The following GALNT11 variants were observed in gnomAD, a reference collection of about 807,000 sequenced individuals.
The protein encoded by GALNT11 is polypeptide N-acetylgalactosaminyltransferase 11, also known as UDP-GalNAc:polypeptide N-acetylgalactosaminyltransferase 11.
Under a neutral mutation model 72.7 loss-of-function variants are expected in GALNT11, and 47 were observed. That is an observed-to-expected ratio of 0.65 (90% confidence interval 0.51 to 0.82). The LOEUF (loss-of-function observed/expected upper bound fraction) is 0.82, where lower values mean the gene tolerates loss of function less well. GALNT11 is among the 40% of genes least tolerant of loss of function. GALNT11 has a pLI of 0.00. For missense variants in GALNT11, 677 were observed against 778.4 expected, an observed-to-expected ratio of 0.87 and a Z score of 1.55; for synonymous variants, 270 against 286.6, an observed-to-expected ratio of 0.94 and a Z score of 0.58.
intron 1 of GALNT11, among the ~76,000 whole-genome samples, chr7:152,042,862 T>G (rs2082931831): frequency 6.6e-6 from 1 of 152,202 alleles, no homozygotes; most frequent in African/African-American, 2.4e-5. Flanking sequence ...CTTTAGGGGC[T>G]TTACCACTCC....
At position 152,120,872 on chromosome 7, in the gene GALNT11, T is replaced by C. The variant is rs1478896342; in HGVS notation, c.1599T>C (p.Ser533=). 6.2e-7 allele frequency: 1 copy of C among 1,612,780 alleles called. No individual in the cohort carries two copies. The highest frequency in any genetic ancestry group is 8.5e-7 in the Non-Finnish European group (1 of 1,178,880). ...AAGAGCATGAATTGGTTTTAAATAG[T>C]CTCCTTTGTCTAGATATGTCAGAGA... is the stretch of plus-strand genomic sequence containing the variant. ...YNEEHELVLN[S]LLCLDMSETR... The change falls in exon 11 of 12, where the codon AGT becomes AGC. Residue 533 remains serine (S), a synonymous_variant. Coordinates refer to ENST00000430044, the MANE Select transcript of GALNT11 (RefSeq NM_022087.4).
intron 1 of GALNT11, among the ~76,000 whole-genome samples, chr7:152,058,436 C>T (rs538499293): frequency 2.6e-5 from 4 of 152,208 alleles, no homozygotes; most frequent in South Asian, 2.1e-4. Context: ...CCGGTTCAAG[C>T]GATACTCCTG....
intron 1 of GALNT11, among the ~76,000 whole-genome samples, chr7:152,093,395 A>G (rs2086169994): frequency 6.6e-6 from 1 of 151,544 alleles, no homozygotes; most frequent in African/African-American, 2.4e-5. Context: ...TTTGATTGGA[A>G]AGTAGAATTT....
intron 1 of GALNT11, among the ~76,000 whole-genome samples, chr7:152,061,109 A>G (rs895893295): frequency 5.3e-5 from 8 of 152,034 alleles, no homozygotes; most frequent in Admixed American, 3.3e-4. Flanking sequence ...AAGTGTTCCT[A>G]TTTCTCCACA....
At position 152,034,113 on chromosome 7, in the gene GALNT11, G is replaced by A. The variant is rs370893691; in HGVS notation, c.-39+8229G>A. ...ATTCCCTCTCCCTACAACTTGAAGG[G>A]GACATAACCGATAGCCCAGGGGTTT... is the stretch of plus-strand genomic sequence containing the variant. On this transcript the variant is annotated intron_variant, in intron 1 of 11. Transcript: ENST00000430044. Among the ~76,000 whole-genome samples the A allele has an allele frequency of 1.1e-4, 16 of 152,134 alleles. No homozygotes were observed. The East Asian group carries it at 1.3e-3, about 13-fold the overall frequency.
intron 1 of GALNT11, among the ~76,000 whole-genome samples, chr7:152,035,457 C>T (rs769120864): frequency 1.3e-5 from 2 of 152,184 alleles, no homozygotes; most frequent in African/African-American, 2.4e-5. Flanking sequence ...GGGCGAGTCT[C>T]GCTTGGGCAA....
At chr7:152,096,083 A>C (rs2086351647) in intron 2 of GALNT11, among the ~76,000 whole-genome samples, 3 of 152,246 alleles carry the variant, frequency 2.0e-5, no homozygotes, top group Admixed American at 2.0e-4. Context: ...CAAGATTTGT[A>C]TGCTGAAAAC....
chr7:152,087,414 G>T (rs897249760), intron 1 of GALNT11, among the ~76,000 whole-genome samples: 4 of 152,186 alleles, frequency 2.6e-5, no homozygotes, highest in African/African-American at 7.2e-5. Context: ...GAGTGTAATT[G>T]AAATGTTTGA....
At chr7:152,055,601 C>T (rs1563049759) in intron 1 of GALNT11, among the ~76,000 whole-genome samples, 1 of 143,882 alleles carries the variant, frequency 7.0e-6, no homozygotes, top group Non-Finnish European at 1.5e-5. Flanking sequence ...ACACAAAGTA[C>T]CAGGTATTTG....
chr7:152,107,932 G>T, intron 5 of GALNT11, 106 bp from the exon 6 acceptor site: 2 of 1,336,074 alleles, frequency 1.5e-6, no homozygotes, highest in Admixed American at 2.1e-5. Flanking sequence ...TGGGAGGGTG[G>T]CAGTCGTGTT....
chr7:152,075,567 C>CA (rs2084908417), intron 1 of GALNT11, among the ~76,000 whole-genome samples: 1 of 60 alleles, frequency 0.017, no homozygotes, highest in African/African-American at 0.083. Flanking sequence ...TTTGGGAGGC[C>CA]AAGGCAAGGC....
At chr7:152,111,551 C>G (rs935920213) in intron 7 of GALNT11, among the ~76,000 whole-genome samples, 6 of 152,096 alleles carry the variant, frequency 3.9e-5, no homozygotes, top group African/African-American at 1.4e-4. Flanking sequence ...TTGTACCCAA[C>G]AGGTAGTACT....
At chr7:152,101,651 G>C (rs577985982) in intron 3 of GALNT11, among the ~76,000 whole-genome samples, 1 of 144,034 alleles carries the variant, frequency 6.9e-6, no homozygotes, top group African/African-American at 2.6e-5. Flanking sequence ...TTGGGGGGGG[G>C]GGGATGGAGT....
chr7:152,082,724 G>A (rs1324862323), intron 1 of GALNT11, among the ~76,000 whole-genome samples: 1 of 152,170 alleles, frequency 6.6e-6, no homozygotes, highest in East Asian at 1.9e-4. Context: ...CTAATTAGAT[G>A]GGGAGGAAAG....
chr7:152,076,061 C>CAAA (rs71198757), intron 1 of GALNT11, among the ~76,000 whole-genome samples: 112 of 71,336 alleles, frequency 1.6e-3, no homozygotes, highest in African/African-American at 3.5e-3. Flanking sequence ...GACTCCGTCT[C>CAAA]AAAAAAAAAA....
Position 152,118,767 on chromosome 7 carries a change from C to T in GALNT11, c.1542C>T (p.Tyr514=). Residue 514 remains tyrosine, a synonymous_variant, in exon 10 of 12, where the codon TAC becomes TAT. Coordinates refer to ENST00000430044, the MANE Select transcript of GALNT11 (RefSeq NM_022087.4). ...TCGTGGTGCTTAAGGCCTGTGACTA[C>T]AGTGACCCAAATCAGGTGAGTGACA... is the stretch of plus-strand genomic sequence containing the variant. The part of the protein sequence containing the change: ...GGLVVLKACD[Y]SDPNQIWIYN... 2 of 1,606,844 alleles carry T rather than the reference C, an allele frequency of 1.2e-6. No individual in the cohort carries two copies. Among genetic ancestry groups the T allele is most frequent in the South Asian group, 1.1e-5 (1 of 90,106 alleles).
At chr7:152,086,685 C>T (rs1324115066) in intron 1 of GALNT11, among the ~76,000 whole-genome samples, 1 of 152,150 alleles carries the variant, frequency 6.6e-6, no homozygotes, top group African/African-American at 2.4e-5. Flanking sequence ...TTTCATTTTG[C>T]CCTTAGGTGC....
At chr7:152,076,092 AAGAAG>A (rs1334392651) in intron 1 of GALNT11, among the ~76,000 whole-genome samples, 1 of 128,974 alleles carries the variant, frequency 7.8e-6, no homozygotes, top group Non-Finnish European at 1.7e-5. Flanking sequence ...AAAAAAAAAG[AAGAAG>A]AGAGAAAAGT....
At position 152,046,046 on chromosome 7, in the gene GALNT11, C is replaced by T. The variant is rs147591631; in HGVS notation, c.-39+20162C>T. Among the ~76,000 whole-genome samples the T allele has an allele frequency of 2.8e-3, 419 of 151,996 alleles. 1 individual carries two copies. Among genetic ancestry groups the T allele is most frequent in the African/African-American group, 9.7e-3 (404 of 41,466 alleles). On this transcript the variant is annotated intron_variant, in intron 1 of 11. Coordinates refer to ENST00000430044, the MANE Select transcript of GALNT11 (RefSeq NM_022087.4). Reference sequence around the variant, plus strand: ...TTTCCTTCTTAATGTCTTTATTGACCCACTGGTCATTCAGGTGCATATTGT... The same window carrying T: ...TTTCCTTCTTAATGTCTTTATTGACTCACTGGTCATTCAGGTGCATATTGT...
Sources: allele counts gnomAD v4.1 joint callset (sites outside exome capture counted in the v4.1 genomes callset), GRCh38; gene constraint gnomAD v4.1.1; transcripts MANE v1.5; gene names NCBI Gene and HGNC (gene_info 2026-07-23, HGNC 2026-07-21).